CALML4: variants seen among roughly 807,000 people sequenced by gnomAD.
CALML4 encodes calmodulin-like protein 4.
A neutral mutation model predicts 17.9 loss-of-function variants in CALML4; 16 were observed. The ratio of observed to expected loss-of-function variants is 0.89; its 90% CI spans 0.61 to 1.36. CALML4 has a LOEUF of 1.36. CALML4 is among the 40% of genes most tolerant of loss of function. The pLI is 0.00. For synonymous variants in CALML4, 86 were observed against 71.5 expected, an observed-to-expected ratio of 1.20 and a Z score of -1.02; for missense variants, 203 against 194.8, an observed-to-expected ratio of 1.04 and a Z score of -0.25.
Position 68,204,054 on chromosome 15 carries a change from C to A in CALML4, c.34+1067G>T, listed in dbSNP as rs908922376. Among the ~76,000 whole-genome samples the A allele has an allele frequency of 6.6e-6, 1 of 152,148 alleles. No homozygotes were observed. Among genetic ancestry groups the A allele is most frequent in the East Asian group, 1.9e-4 (1 of 5,176 alleles). On this transcript the variant is annotated intron_variant, in intron 2 of 4. Coordinates refer to ENST00000467889, the MANE Select transcript of CALML4 (RefSeq NM_033429.3). The surrounding 1 kb of genome is among the most constrained non-coding windows in gnomAD (Gnocchi z 6.0). ...TTAGACCTGGACAAGAGGGCACTGCCCCGGGCCCTGTGTTTTAAAAGTCCC... is the reference window on the plus strand; with the variant it reads ...TTAGACCTGGACAAGAGGGCACTGCACCGGGCCCTGTGTTTTAAAAGTCCC...
In CALML4 at chr15:68,194,041, T is replaced by G; in HGVS notation, c.436A>C (p.Ile146Leu). The change falls in exon 5 of 5, where the codon ATC becomes CTC. Residue 146 changes from isoleucine (I) to leucine (L), a missense_variant. Ile to Leu is a conservative substitution (Grantham distance 5). Transcript: ENST00000467889. ...KVKYDEFIHK[I>L]TLPGRDY ...CAATAGTCCCGTCCAGGAAGGGTGATCTTGTGGATAAATTCATCATACTTC... is the reference window on the plus strand; with the variant it reads ...CAATAGTCCCGTCCAGGAAGGGTGAGCTTGTGGATAAATTCATCATACTTC... The G allele has an allele frequency of 6.2e-7, 1 of 1,614,036 alleles. No individual in the cohort carries two copies. The highest frequency in any genetic ancestry group is 1.3e-5 in the African/African-American group (1 of 75,052).
chr15:68,195,271 CAGTT>C (rs377754548), intron 4 of CALML4, among the ~76,000 whole-genome samples: 17 of 152,328 alleles, frequency 1.1e-4, no homozygotes, highest in Admixed American at 2.6e-4. Flanking sequence ...CTCCGGTCGT[CAGTT>C]AGAAAATATC....
rs1012323242 is a variant in CALML4, at chr15:68,193,942, A to G, written c.*73T>C. ...TGTGTTTGCCATCTCTCCCAAGTGAAAAGAACACTTTTTAAAAAAAATTAA... is the reference window on the plus strand; with the variant it reads ...TGTGTTTGCCATCTCTCCCAAGTGAGAAGAACACTTTTTAAAAAAAATTAA... On this transcript the variant is annotated 3_prime_UTR_variant, in exon 5 of 5. Transcript: ENST00000467889. 1.5e-5 allele frequency: 17 copies of G among 1,101,292 alleles called. No individual in the cohort carries two copies. The highest frequency in any genetic ancestry group is 2.0e-5 in the Non-Finnish European group (15 of 731,776). 68.2% of individuals were successfully genotyped at this position (1,101,292 alleles called of 1,614,324 possible). A position where few individuals can be genotyped will look rare whatever the true frequency, so the allele number is the denominator to read the frequency against.
At chr15:68,203,524 G>C (rs747094966) in intron 2 of CALML4, among the ~76,000 whole-genome samples, 1 of 152,164 alleles carries the variant, frequency 6.6e-6, no homozygotes, top group Non-Finnish European at 1.5e-5. Context: ...AACACTGTTT[G>C]ATCCTACATT....
In CALML4 at chr15:68,205,305, C is replaced by T. The variant is rs949025384; in HGVS notation, c.-58G>A. 13 of 1,614,056 alleles carry T rather than the reference C, an allele frequency of 8.1e-6. No individual in the cohort carries two copies. In the East Asian group the frequency reaches 8.9e-5, roughly 11 times the overall value. On this transcript the variant is annotated 5_prime_UTR_variant, in exon 1 of 5. Coordinates refer to ENST00000467889, the MANE Select transcript of CALML4 (RefSeq NM_033429.3). The surrounding 1 kb of genome is among the most constrained non-coding windows in gnomAD (Gnocchi z 4.8). ...TGCTCCCAGAACCGCGTTCAGTTCCCTTTCCTCCAGCCTCAAGTCTAAAGT... is the reference window on the plus strand; with the variant it reads ...TGCTCCCAGAACCGCGTTCAGTTCCTTTTCCTCCAGCCTCAAGTCTAAAGT...
chr15:68,194,933 T>TAAA (rs35301423), intron 4 of CALML4, among the ~76,000 whole-genome samples: 62 of 134,754 alleles, frequency 4.6e-4, no homozygotes, highest in Admixed American at 9.3e-4. Flanking sequence ...CCATCACCTC[T>TAAA]AAAAAAAAAA....
In CALML4 at chr15:68,192,737, C is replaced by G. The variant is rs185568697; in HGVS notation, c.*1278G>C. 6.6e-6 allele frequency: 1 copy of G among 152,282 alleles called. No individual in the cohort carries two copies. Among genetic ancestry groups the G allele is most frequent in the African/African-American group, 2.4e-5 (1 of 41,548 alleles). The allele number at this position is 152,282 out of a possible 1,614,324, so 9.4% of individuals were successfully genotyped here. A position where few individuals can be genotyped will look rare whatever the true frequency, so the allele number is the denominator to read the frequency against. ...TGTACATCCTCCCAAAAGACACATC[C>G]CATTTGATTTGGTTTTCTTCTACTT... On this transcript the variant is annotated 3_prime_UTR_variant, in exon 5 of 5. Transcript: ENST00000467889.
chr15:68,194,479 G>T (rs543424986), intron 4 of CALML4, among the ~76,000 whole-genome samples: 20 of 151,746 alleles, frequency 1.3e-4, no homozygotes, highest in African/African-American at 4.6e-4. Flanking sequence ...CGCCTCCCAG[G>T]TTCAAGCGAT....
chr15:68,197,613 A>G lies in CALML4; in HGVS notation c.191T>C (p.Leu64Pro). 6.2e-7 allele frequency: 1 copy of G among 1,613,962 alleles called. No individual in the cohort carries two copies. The highest frequency in any genetic ancestry group is 1.1e-5 in the South Asian group (1 of 91,072). Residue 64 changes from leucine (L) to proline (P), a missense_variant, in exon 4 of 5, where the codon CTG becomes CCG. Transcript: ENST00000467889. The surrounding 1 kb of genome is among the most constrained non-coding windows in gnomAD (Gnocchi z 4.1). ...AATGGTCAGAAAAGTGGAGAAATCCAGCTCTCCATTTCCGTCTAGGAAACC... is the reference window on the plus strand; with the variant it reads ...AATGGTCAGAAAAGTGGAGAAATCCGGCTCTCCATTTCCGTCTAGGAAACC... ...QTHGIDGNGE[L>P]DFSTFLTIMH...
chr15:68,194,679 C>T (rs947925266), intron 4 of CALML4, among the ~76,000 whole-genome samples: 19 of 152,148 alleles, frequency 1.2e-4, no homozygotes, highest in Admixed American at 3.3e-4. Flanking sequence ...CCACTGTGCC[C>T]GGCCCACCCT....
At chr15:68,205,666 T>C, upstream of CALML4, 1 of 407,828 alleles carries the variant, frequency 2.5e-6, no homozygotes, top group Non-Finnish European at 4.6e-6. The surrounding 1 kb of genome is among the most constrained non-coding windows in gnomAD (Gnocchi z 4.8). Flanking sequence ...TATTGAAGGC[T>C]CCTCACACAC....
intron 2 of CALML4, among the ~76,000 whole-genome samples, chr15:68,202,662 T>A (rs996832254): frequency 4.0e-5 from 6 of 150,440 alleles, no homozygotes; most frequent in East Asian, 1.9e-4. Flanking sequence ...TTTTTTTTTT[T>A]GAGAGAGTTT....
In CALML4 at chr15:68,194,075, A is replaced by G; in HGVS notation, c.402T>C (p.Asn134=). 1 of 1,614,066 alleles carries G rather than the reference A, an allele frequency of 6.2e-7. No homozygotes were observed. Among genetic ancestry groups the G allele is most frequent in the Non-Finnish European group, 8.5e-7 (1 of 1,179,926 alleles). The change falls in exon 5 of 5, where the codon AAT becomes AAC. Residue 134 remains asparagine, a synonymous_variant. Coordinates refer to ENST00000467889, the MANE Select transcript of CALML4 (RefSeq NM_033429.3). The stretch of plus-strand genomic sequence containing the variant: ...TAAATTCATCATACTTCACTTTGCC[A>G]TTGGGTTCGATATCTGCTTCCCTGA... The part of the protein sequence containing the change: ...DLFREADIEP[N]GKVKYDEFIH...
rs2093174449 is a variant in CALML4 at position 68,204,167 on chromosome 15, C to CT, written c.34+953dup. 6.6e-6 allele frequency among the ~76,000 whole-genome samples: 1 copy of CT among 152,196 alleles called. No homozygotes were observed. Among genetic ancestry groups the CT allele is most frequent in the Non-Finnish European group, 1.5e-5 (1 of 68,026 alleles). On this transcript the variant is annotated intron_variant, in intron 2 of 4. Coordinates refer to ENST00000467889, the MANE Select transcript of CALML4 (RefSeq NM_033429.3). The surrounding 1 kb of genome is among the most constrained non-coding windows in gnomAD (Gnocchi z 6.0). ...CCTGGAGCTCACAATTCCTGCCCCT[C>CT]TGGACCAAGCTCAGAATACCCAGAA...
At position 68,197,860 on chromosome 15, in the gene CALML4, TATC is replaced by T. The variant is rs1475439506; in HGVS notation, c.176-235_176-233del. ...CAGCAACGTCCTCAGTGACGATGCT[TATC>T]ATCACCCCAAAGCTCAAGAAAGTGG... is the stretch of plus-strand genomic sequence containing the variant. On this transcript the variant is annotated intron_variant, in intron 3 of 4. Coordinates refer to ENST00000467889, the MANE Select transcript of CALML4 (RefSeq NM_033429.3). This position sits in a 1 kb window ranked among gnomAD's most constrained non-coding sequence, Gnocchi z 4.1. The T allele has an allele frequency of 1.6e-5, 8 of 507,190 alleles. No individual in the cohort carries two copies. Among genetic ancestry groups the T allele is most frequent in the East Asian group, 1.3e-4 (4 of 29,994 alleles). 31.4% of individuals were successfully genotyped at this position (507,190 alleles called of 1,614,324 possible).
At chr15:68,196,690 G>A (rs2093145957) in intron 4 of CALML4, among the ~76,000 whole-genome samples, 1 of 152,088 alleles carries the variant, frequency 6.6e-6, no homozygotes, top group Admixed American at 6.5e-5. Context: ...GGCTGTAAAT[G>A]GCCTTGGCGT....
chr15:68,199,086 T>C lies in CALML4; in HGVS notation c.175+455A>G, dbSNP rs1377000251. Among the ~76,000 whole-genome samples the C allele has an allele frequency of 4.0e-5, 6 of 151,106 alleles. No homozygotes were observed. The East Asian group carries it at 1.2e-3, about 30-fold the overall frequency. ...CTGAGGCAGGAGAATCACTTGAACC[T>C]GGGAGGCAGAGGTTGCAGTGAGCCG... On this transcript the variant is annotated intron_variant, in intron 3 of 4. Transcript: ENST00000467889.
In CALML4 at chr15:68,190,948, A is replaced by AAT. The variant is rs1485678285; in HGVS notation, c.*3065_*3066dup. The AAT allele has an allele frequency of 1.3e-5, 2 of 152,346 alleles. No homozygotes were observed. 9.4% of individuals were successfully genotyped at this position (152,346 alleles called of 1,614,324 possible). A position where few individuals can be genotyped will look rare whatever the true frequency, so the allele number is the denominator to read the frequency against. On this transcript the variant is annotated 3_prime_UTR_variant, in exon 5 of 5. Transcript: ENST00000467889. This position sits in a 1 kb window ranked among gnomAD's most constrained non-coding sequence, Gnocchi z 4.7. ...AGTCAAGTGTCTGAAATGGAGTGAA[A>AAT]ATATATCCTAACTAAATTAATGTGG...
intron 2 of CALML4, 68 bp from the exon 3 acceptor site, chr15:68,199,749 C>T: frequency 6.6e-7 from 1 of 1,523,880 alleles, no homozygotes; most frequent in Non-Finnish European, 8.9e-7. Context: ...CCTCCCCATC[C>T]TTAGTCTCTT....
Sources: allele counts gnomAD v4.1 joint callset (sites outside exome capture counted in the v4.1 genomes callset), GRCh38; gene constraint gnomAD v4.1.1; non-coding constraint Gnocchi (gnomAD v3.1); transcripts MANE v1.5; gene names NCBI Gene and HGNC (gene_info 2026-07-23, HGNC 2026-07-21).